MRAS: variants seen among roughly 807,000 people sequenced by gnomAD.
The protein encoded by MRAS is ras-related protein M-Ras.
A neutral mutation model predicts 20.9 loss-of-function variants in MRAS; 4 were observed. That is an observed-to-expected ratio of 0.19 (90% CI 0.09 to 0.44). MRAS has a LOEUF of 0.44. Ranked by LOEUF, MRAS falls within the 20% of genes least tolerant of loss-of-function variation. The pLI, the probability that MRAS is intolerant of heterozygous loss-of-function variation, is 0.99. For synonymous variants in MRAS, 98 were observed against 102.9 expected, an observed-to-expected ratio of 0.95 and a Z score of 0.29; for missense variants, 154 against 277.5, an observed-to-expected ratio of 0.56 and a Z score of 3.16.
In MRAS at chr3:138,400,595, A is replaced by G; in HGVS notation, c.509A>G (p.Asp170Gly). The stretch of plus-strand genomic sequence containing the variant: ...CTCAATGTCGACAAAGCCTTCCATG[A>G]CCTCGTTAGAGTAATTAGGTGAGCA... Reference protein sequence around the residue: ...PPLNVDKAFHDLVRVIRQQIP... With the variant: ...PPLNVDKAFHGLVRVIRQQIP... Residue 170 changes from aspartate to glycine, a missense_variant, in exon 5 of 6, where the codon GAC (aspartate) becomes GGC (glycine). Physicochemically the swap from Asp to Gly is moderately conservative, Grantham distance 94 (BLOSUM62 -1). Coordinates refer to ENST00000423968, the MANE Select transcript of MRAS (RefSeq NM_001085049.3). 1.2e-6 allele frequency: 2 copies of G among 1,612,620 alleles called. No homozygotes were observed. Among genetic ancestry groups the G allele is most frequent in the Non-Finnish European group, 1.7e-6 (2 of 1,178,666 alleles).
intron 1 of MRAS, among the ~76,000 whole-genome samples, chr3:138,363,824 C>T (rs543977168): frequency 1.0e-5 from 1 of 99,420 alleles, no homozygotes; most frequent in Non-Finnish European, 2.3e-5. Flanking sequence ...GATTTACCCC[C>T]CCCCCCCCCC....
intron 2 of MRAS, among the ~76,000 whole-genome samples, chr3:138,389,455 G>A (rs2055083496): frequency 6.6e-6 from 1 of 150,376 alleles, no homozygotes; most frequent in African/African-American, 2.5e-5. Flanking sequence ...GAGGAGGAAG[G>A]GAGATGGACT....
At chr3:138,370,440 C>T (rs561869876) in intron 1 of MRAS, among the ~76,000 whole-genome samples, 229 of 152,280 alleles carry the variant, frequency 1.5e-3, no homozygotes, top group Non-Finnish European at 2.5e-3. Flanking sequence ...CTCTGAGAGG[C>T]AAAGGAGAGA....
intron 1 of MRAS, among the ~76,000 whole-genome samples, chr3:138,363,129 C>T (rs1576347789): frequency 1.3e-5 from 2 of 151,906 alleles, no homozygotes; most frequent in East Asian, 3.9e-4. Flanking sequence ...CTCCGCCTCC[C>T]CAGTTCAAGT....
intron 1 of MRAS, among the ~76,000 whole-genome samples, chr3:138,360,549 G>C (rs1448761715): frequency 6.6e-6 from 1 of 152,188 alleles, no homozygotes; most frequent in Non-Finnish European, 1.5e-5. Flanking sequence ...CAGCAAGGAA[G>C]GACCCCTCAT....
chr3:138,394,577 G>A (rs141479032), intron 2 of MRAS, among the ~76,000 whole-genome samples: 59 of 152,136 alleles, frequency 3.9e-4, no homozygotes, highest in African/African-American at 1.4e-3. Flanking sequence ...TGTATCTCTT[G>A]CCCCCTCTTC....
At chr3:138,375,198 TA>T (rs2054758576) in intron 2 of MRAS, among the ~76,000 whole-genome samples, 1 of 152,218 alleles carries the variant, frequency 6.6e-6, no homozygotes, top group South Asian at 2.1e-4. Context: ...TTGATTTTTT[TA>T]ATATTAAACC....
intron 1 of MRAS, among the ~76,000 whole-genome samples, chr3:138,363,820 C>CCG (rs1553797791): frequency 6.9e-5 from 3 of 43,664 alleles, no homozygotes. Context: ...AGAGGATTTA[C>CCG]CCCCCCCCCC....
intron 1 of MRAS, among the ~76,000 whole-genome samples, chr3:138,369,444 G>A (rs1032935353): frequency 6.6e-6 from 1 of 152,116 alleles, no homozygotes; most frequent in African/African-American, 2.4e-5. Context: ...CACATTGGGG[G>A]ACCACAAACC....
At chr3:138,366,814 C>T (rs114340292) in intron 1 of MRAS, among the ~76,000 whole-genome samples, 269 of 152,330 alleles carry the variant, frequency 1.8e-3, no homozygotes, top group African/African-American at 6.2e-3. Context: ...TTTTTCCTGG[C>T]CAGTACATAG....
chr3:138,352,410 C>G (rs956917762), intron 1 of MRAS, among the ~76,000 whole-genome samples: 12 of 152,202 alleles, frequency 7.9e-5, no homozygotes, highest in African/African-American at 2.9e-4. Context: ...TTGTAGGAGT[C>G]ATGAAGCAGC....
chr3:138,380,406 G>A (rs2054875996), intron 2 of MRAS, among the ~76,000 whole-genome samples: 1 of 151,984 alleles, frequency 6.6e-6, no homozygotes, highest in South Asian at 2.1e-4. Flanking sequence ...TCCGCTTTCT[G>A]AGTTCAAGTG....
intron 1 of MRAS, among the ~76,000 whole-genome samples, chr3:138,351,011 G>A (rs141567658): frequency 6.6e-6 from 1 of 151,284 alleles, no homozygotes; most frequent in African/African-American, 2.4e-5. Context: ...CTAAGCTCTA[G>A]TGATCACCTG....
intron 4 of MRAS, among the ~76,000 whole-genome samples, chr3:138,399,000 T>G (rs2055302259): frequency 6.6e-6 from 1 of 152,226 alleles, no homozygotes; most frequent in Non-Finnish European, 1.5e-5. Context: ...CACGTTGTCC[T>G]GACTTACAGG....
chr3:138,359,309 T>C (rs2054398104), intron 1 of MRAS, among the ~76,000 whole-genome samples: 1 of 152,106 alleles, frequency 6.6e-6, no homozygotes, highest in African/African-American at 2.4e-5. Flanking sequence ...AGGTGGCCAG[T>C]CCTTCTTCCT....
chr3:138,384,033 C>T lies in MRAS; in HGVS notation c.193+10957C>T, dbSNP rs141656562. 3.6e-3 allele frequency among the ~76,000 whole-genome samples: 549 copies of T among 152,148 alleles called. 2 individuals carry two copies. The highest frequency in any genetic ancestry group is 0.017 in the Middle Eastern group (5 of 292). On this transcript the variant is annotated intron_variant, in intron 2 of 5. Coordinates refer to ENST00000423968, the MANE Select transcript of MRAS (RefSeq NM_001085049.3). ...GTGGGAGTATCAGGTGCAAGGGCCC[C>T]GAGGCAGGGGTGTGCCTGGCCTGTG...
At chr3:138,354,336 T>G (rs2054287680) in intron 1 of MRAS, among the ~76,000 whole-genome samples, 1 of 152,200 alleles carries the variant, frequency 6.6e-6, no homozygotes, top group Non-Finnish European at 1.5e-5. Flanking sequence ...CTGCACTTGA[T>G]CCTTTTCACA....
chr3:138,375,349 T>C (rs925438310), intron 2 of MRAS, among the ~76,000 whole-genome samples: 2 of 152,244 alleles, frequency 1.3e-5, no homozygotes, highest in African/African-American at 4.8e-5. Flanking sequence ...TTTCTTGTAA[T>C]GTCTGTGTCT....
chr3:138,349,918 A>G (rs941454784), intron 1 of MRAS: 11 of 152,204 alleles, frequency 7.2e-5, no homozygotes, highest in African/African-American at 2.2e-4. Context: ...GATTTTGTTT[A>G]TTGTAAAGGA....
Sources: gnomAD v4.1 joint callset for allele counts (sites outside exome capture counted in the v4.1 genomes callset) on GRCh38, gnomAD v4.1.1 for gene constraint, MANE v1.5 for transcripts, NCBI Gene and HGNC (gene_info 2026-07-23, HGNC 2026-07-21) for gene names.